TEX15: variants seen among roughly 807,000 people sequenced by gnomAD.
The protein encoded by TEX15 is testis-expressed protein 15.
A neutral mutation model predicts 237.3 loss-of-function variants in TEX15; 171 were observed. The observed-to-expected ratio is 0.72, with a 90% CI of 0.64 to 0.82. The LOEUF is 0.82. TEX15 is among the 40% of genes least tolerant of loss of function. The pLI is 0.00. For synonymous variants in TEX15, 1,338 were observed against 1,269.8 expected (o/e 1.05, Z -1.14); for missense variants, 3,750 against 3,646.5 (o/e 1.03, Z -0.73).
chr8:30,854,421 A>G (rs1807859779), intron 7 of TEX15, among the ~76,000 whole-genome samples: 1 of 152,102 alleles, frequency 6.6e-6, no homozygotes, highest in Non-Finnish European at 1.5e-5. Flanking sequence ...ATAAAACCAG[A>G]AAGTACTGAA....
intron 7 of TEX15, among the ~76,000 whole-genome samples, chr8:30,853,495 A>G (rs1275997726): frequency 6.6e-6 from 1 of 152,184 alleles, no homozygotes; most frequent in Non-Finnish European, 1.5e-5. Context: ...AAAATAATAC[A>G]AATAAAAAAC....
At chr8:30,857,878 A>C (rs1033960000) in intron 7 of TEX15, among the ~76,000 whole-genome samples, 1 of 152,244 alleles carries the variant, frequency 6.6e-6, no homozygotes, top group Admixed American at 6.5e-5. Flanking sequence ...AAAACTTTAA[A>C]AAAAAGCATA....
rs531194466 is a variant in TEX15 at position 30,845,220 on chromosome 8, T to C, written c.4947A>G (p.Val1649=). 1.3e-5 allele frequency: 21 copies of C among 1,613,564 alleles called. 1 individual carries two copies. The South Asian group carries it at 2.3e-4, about 18-fold the overall frequency. The change falls in exon 8 of 11, where the codon GTA becomes GTG. Residue 1649 remains valine, a synonymous_variant. Transcript: ENST00000643185. ...CIGHTKAKTD[V]LISVLDSNVK... ...CATTTGAATCTAAGACTGATATAAG[T>C]ACGTCAGTTTTCGCCTTTGTGTGAC...
chr8:30,846,183 C>A lies in TEX15; in HGVS notation c.3984G>T (p.Arg1328Ser), dbSNP rs758728424. The change falls in exon 8 of 11, where the codon AGG becomes AGT. Residue 1328 changes from arginine to serine, a missense_variant. By Grantham distance (110) the Arg-to-Ser change is moderately radical (BLOSUM62 -1). Coordinates refer to ENST00000643185, the MANE Select transcript of TEX15 (RefSeq NM_001350162.2). ...CAGATGAGTCTTGACTGGTTAGCCT[C>A]CTCTTTCTCCCATAAATTTTATGTC... is the stretch of plus-strand genomic sequence containing the variant. ...LRRHKIYGRK[R>S]RLTSQDSSEC... 1 of 1,613,014 alleles carries A rather than the reference C, an allele frequency of 6.2e-7. No homozygotes were observed. Among genetic ancestry groups the A allele is most frequent in the African/African-American group, 1.3e-5 (1 of 74,834 alleles).
chr8:30,847,967 T>C lies in TEX15; in HGVS notation c.2200A>G (p.Asn734Asp), dbSNP rs1807662052. 6.2e-7 allele frequency: 1 copy of C among 1,613,994 alleles called. No individual in the cohort carries two copies. Among genetic ancestry groups the C allele is most frequent in the Non-Finnish European group, 8.5e-7 (1 of 1,179,922 alleles). ...HPQHSVEYEG[N>D]IHTSLAIAQK... ...GCAATGGCTAAACTTGTATGAATGT[T>C]ACCCTCATACTCCACAGAGTGCTGA... Residue 734 changes from asparagine to aspartate, a missense_variant, in exon 8 of 11, where the codon AAC becomes GAC. Physicochemically the swap from Asn to Asp is conservative, Grantham distance 23 (BLOSUM62 1). Coordinates refer to ENST00000643185, the MANE Select transcript of TEX15 (RefSeq NM_001350162.2).
intron 2 of TEX15, chr8:30,890,383 C>T (rs983738009): frequency 6.6e-6 from 1 of 152,028 alleles, no homozygotes; most frequent in Non-Finnish European, 1.5e-5. Context: ...GAAATTAAAT[C>T]AGTAGAAATT....
In TEX15 at chr8:30,847,022, T is replaced by C. The variant is rs762820482; in HGVS notation, c.3145A>G (p.Asn1049Asp). ...AATTCAATGCTCTGAAGAACTAAGT[T>C]CTCATTTATTGATTGATGAAATGAT... is the stretch of plus-strand genomic sequence containing the variant. ...QESFHQSINE[N>D]LVLQSIELES... The change falls in exon 8 of 11, where the codon AAC becomes GAC. Residue 1049 changes from asparagine to aspartate, a missense_variant. Asn to Asp is a conservative substitution (Grantham distance 23). Transcript: ENST00000643185. The C allele has an allele frequency of 2.0e-5, 33 of 1,612,778 alleles. No individual in the cohort carries two copies. The South Asian group carries it at 3.5e-4, about 17-fold the overall frequency.
intron 10 of TEX15, among the ~76,000 whole-genome samples, chr8:30,834,934 C>G (rs1486968003): frequency 6.6e-6 from 1 of 152,118 alleles, no homozygotes; most frequent in African/African-American, 2.4e-5. Context: ...TCAGTTTTTT[C>G]TACATATCCA....
chr8:30,846,208 C>T lies in TEX15; in HGVS notation c.3959G>A (p.Arg1320Gln), dbSNP rs62000448. 1.1e-3 allele frequency: 1,726 copies of T among 1,613,060 alleles called. 17 individuals carry two copies. The African/African-American group carries it at 0.02, about 19-fold the overall frequency. The change falls in exon 8 of 11, where the codon CGA becomes CAA. Residue 1320 changes from arginine (R) to glutamine (Q), a missense_variant. Physicochemically the swap from Arg to Gln is conservative, Grantham distance 43. Transcript: ENST00000643185. ...DQNIPHKDLR[R>Q]HKIYGRKRRL... ...CCTCTTTCTCCCATAAATTTTATGTCGTCTTAAATCTTTATGTGGTATGTT... is the reference window on the plus strand; with the variant it reads ...CCTCTTTCTCCCATAAATTTTATGTTGTCTTAAATCTTTATGTGGTATGTT...
At chr8:30,883,620 C>T (rs1808584718) in intron 3 of TEX15, among the ~76,000 whole-genome samples, 1 of 152,086 alleles carries the variant, frequency 6.6e-6, no homozygotes. Flanking sequence ...GTTTTCTGTT[C>T]CTGTATTTGC....
At chr8:30,867,924 A>G (rs1404454816) in intron 4 of TEX15, among the ~76,000 whole-genome samples, 2 of 152,076 alleles carry the variant, frequency 1.3e-5, no homozygotes, top group Non-Finnish European at 2.9e-5. Context: ...AGTTGGAATT[A>G]TACACGCCAA....
intron 9 of TEX15, among the ~76,000 whole-genome samples, 170 bp downstream of exon 9, chr8:30,839,736 A>C (rs1284307847): frequency 6.6e-6 from 1 of 152,242 alleles, no homozygotes; most frequent in Non-Finnish European, 1.5e-5. Flanking sequence ...GCTGAATTTA[A>C]GAAACTGTAT....
chr8:30,908,326 C>T (rs114609389), intron 1 of TEX15, among the ~76,000 whole-genome samples: 3,309 of 152,288 alleles, frequency 0.022, 115 homozygotes, highest in African/African-American at 0.075. Context: ...TCCCAAATTA[C>T]TAGGATTACA....
chr8:30,901,211 T>G (rs539065231), intron 1 of TEX15, among the ~76,000 whole-genome samples: 1 of 152,124 alleles, frequency 6.6e-6, no homozygotes, highest in African/African-American at 2.4e-5. Flanking sequence ...CCAGAAGCTA[T>G]CTAGTAGAGT....
intron 2 of TEX15, among the ~76,000 whole-genome samples, chr8:30,889,954 C>CATATATATATGTATATATACATAT: frequency 9.1e-6 from 1 of 110,088 alleles, no homozygotes; most frequent in South Asian, 2.8e-4. Context: ...TATATATATA[C>CATATATATATGTATATATACATAT]ATATATATAT....
intron 4 of TEX15, among the ~76,000 whole-genome samples, chr8:30,870,414 T>C (rs1343208395): frequency 1.3e-5 from 2 of 151,990 alleles, no homozygotes; most frequent in Non-Finnish European, 2.9e-5. Context: ...ATATAGTAGG[T>C]AATTTTTTGT....
chr8:30,837,817 C>T lies in TEX15; in HGVS notation c.8467G>A (p.Val2823Met). ...ENLNSMKKRN[V>M]NFSAAETKSD... ...TTTGTTTCAGCAGCACTGAAGTTCA[C>T]ATTTCTTTTCTTCATGCTATTTAAA... The change falls in exon 10 of 11, where the codon GTG becomes ATG. Residue 2823 changes from valine to methionine, a missense_variant. By Grantham distance (21) the Val-to-Met change is conservative. Transcript: ENST00000643185. 1 of 1,614,118 alleles carries T rather than the reference C, an allele frequency of 6.2e-7. No homozygotes were observed. Among genetic ancestry groups the T allele is most frequent in the African/African-American group, 1.3e-5 (1 of 75,046 alleles).
chr8:30,839,585 G>A (rs538769508), intron 9 of TEX15, among the ~76,000 whole-genome samples: 2 of 152,008 alleles, frequency 1.3e-5, no homozygotes, highest in African/African-American at 4.8e-5. Flanking sequence ...CTTATTCTGT[G>A]AAACAATCAC....
chr8:30,880,723 T>G (rs1808501752), intron 3 of TEX15, among the ~76,000 whole-genome samples: 1 of 151,004 alleles, frequency 6.6e-6, no homozygotes, highest in Admixed American at 6.7e-5. Flanking sequence ...AGGTCAACAG[T>G]AGGCTATTTG....
Sources: gnomAD v4.1 joint callset for allele counts (sites outside exome capture counted in the v4.1 genomes callset) on GRCh38, gnomAD v4.1.1 for gene constraint, MANE v1.5 for transcripts, NCBI Gene and HGNC (gene_info 2026-07-23, HGNC 2026-07-21) for gene names.